Variants in NWD2 observed in about 807,000 individuals in gnomAD.
The protein encoded by NWD2 is NACHT and WD repeat domain containing 2, also known as NACHT and WD repeat domain-containing protein 2.
A neutral mutation model predicts 132.7 loss-of-function variants in NWD2; 37 were observed. The ratio of observed to expected loss-of-function variants is 0.28; its 90% CI spans 0.21 to 0.37. NWD2 has a LOEUF of 0.37. NWD2 is among the 10% of genes least tolerant of loss of function. NWD2 has a pLI of 1.00. For synonymous variants in NWD2, 705 were observed against 803.0 expected (o/e 0.88, Z 2.06); for missense variants, 1,592 against 2,122.4 (o/e 0.75, Z 4.91).
At chr4:37,317,283 A>G (rs940416779) in intron 1 of NWD2, among the ~76,000 whole-genome samples, 2 of 152,128 alleles carry the variant, frequency 1.3e-5, no homozygotes, top group Non-Finnish European at 2.9e-5. Context: ...AATCTTTCTT[A>G]AGTTTGTGTG....
At chr4:37,420,048 T>C (rs1711758510) in intron 3 of NWD2, among the ~76,000 whole-genome samples, 1 of 152,210 alleles carries the variant, frequency 6.6e-6, no homozygotes, top group Non-Finnish European at 1.5e-5. Context: ...CCTCTATCAG[T>C]TTGATAAGCA....
At chr4:37,245,278 G>A (rs895957603) in intron 1 of NWD2, 60 bp downstream of exon 1, 1 of 1,480,002 alleles carries the variant, frequency 6.8e-7, no homozygotes, top group African/African-American at 1.4e-5. Context: ...TGCGGGAGCT[G>A]GAGAGTGTGT....
chr4:37,374,724 T>G (rs568568798), intron 3 of NWD2, among the ~76,000 whole-genome samples: 1 of 152,246 alleles, frequency 6.6e-6, no homozygotes, highest in East Asian at 1.9e-4. Flanking sequence ...ACAAGCAAAT[T>G]AGGAATAAGG....
At chr4:37,420,454 G>C (rs770881054) in intron 3 of NWD2, among the ~76,000 whole-genome samples, 1 of 152,198 alleles carries the variant, frequency 6.6e-6, no homozygotes, top group Non-Finnish European at 1.5e-5. Context: ...GGGAGGCTCA[G>C]GTGGGTGGAT....
chr4:37,332,397 C>T (rs1041430351), intron 2 of NWD2, among the ~76,000 whole-genome samples: 5 of 151,706 alleles, frequency 3.3e-5, no homozygotes, highest in Non-Finnish European at 5.9e-5. Context: ...CATTCCAGGC[C>T]CTAGCTCCCA....
intron 4 of NWD2, among the ~76,000 whole-genome samples, chr4:37,431,204 T>C (rs1388605704): frequency 6.6e-6 from 1 of 152,200 alleles, no homozygotes; most frequent in East Asian, 1.9e-4. Flanking sequence ...ACTCCCAGGT[T>C]CATTGCAGAA....
chr4:37,314,817 A>C (rs1577665196), intron 1 of NWD2, among the ~76,000 whole-genome samples: 2 of 152,056 alleles, frequency 1.3e-5, no homozygotes, highest in East Asian at 3.9e-4. Flanking sequence ...TTTTGGGTTC[A>C]GTTTGTTTAA....
intron 6 of NWD2, among the ~76,000 whole-genome samples, chr4:37,442,243 C>A (rs1351941670): frequency 6.6e-6 from 1 of 152,172 alleles, no homozygotes; most frequent in African/African-American, 2.4e-5. Flanking sequence ...TTATCTCAGG[C>A]ATATCCTTGG....
At chr4:37,327,180 A>G (rs960734049) in intron 2 of NWD2, among the ~76,000 whole-genome samples, 5 of 152,182 alleles carry the variant, frequency 3.3e-5, no homozygotes, top group African/African-American at 9.7e-5. Flanking sequence ...GGACTCAGTT[A>G]CCATAGAGGA....
At position 37,369,769 on chromosome 4, in the gene NWD2, C is replaced by T. The variant is rs559538334; in HGVS notation, c.357+13287C>T. ...GTATTTTCTTCCCAACTTGCAAATG[C>T]GCACAGGAAATACTGAAAGTGGAGG... On this transcript the variant is annotated intron_variant, in intron 3 of 6. Transcript: ENST00000309447. Among the ~76,000 whole-genome samples the T allele has an allele frequency of 2.6e-5, 4 of 152,220 alleles. 1 individual carries two copies. The highest frequency in any genetic ancestry group is 1.9e-4 in the East Asian group (1 of 5,180).
intron 3 of NWD2, among the ~76,000 whole-genome samples, chr4:37,389,557 T>A (rs1192767318): frequency 6.6e-6 from 1 of 152,124 alleles, no homozygotes; most frequent in East Asian, 1.9e-4. Context: ...GAGCTTTTCA[T>A]GTTAGTCGTT....
At chr4:37,316,976 A>T (rs73807488) in intron 1 of NWD2, among the ~76,000 whole-genome samples, 3,776 of 152,246 alleles carry the variant, frequency 0.025, 154 homozygotes, top group African/African-American at 0.086. Context: ...TGTGCTGTTG[A>T]TGTCTCTTCA....
intron 2 of NWD2, among the ~76,000 whole-genome samples, chr4:37,344,006 A>G (rs937593907): frequency 6.6e-6 from 1 of 152,204 alleles, no homozygotes; most frequent in Non-Finnish European, 1.5e-5. Context: ...TAAGTAAAAA[A>G]GGTAATATCA....
At chr4:37,434,575 G>C (rs111730139) in intron 5 of NWD2, among the ~76,000 whole-genome samples, 1 of 152,106 alleles carries the variant, frequency 6.6e-6, no homozygotes, top group Non-Finnish European at 1.5e-5. Context: ...ACTGATAAAG[G>C]ATGTGGGGAT....
intron 1 of NWD2, among the ~76,000 whole-genome samples, chr4:37,249,651 G>A (rs1435264774): frequency 6.6e-6 from 1 of 152,178 alleles, no homozygotes; most frequent in Admixed American, 6.5e-5. Context: ...CTACACTAGT[G>A]CATTGCCCTC....
chr4:37,276,085 C>T (rs972427161), intron 1 of NWD2, among the ~76,000 whole-genome samples: 1 of 151,992 alleles, frequency 6.6e-6, no homozygotes, highest in African/African-American at 2.4e-5. Context: ...CAACAAAAGC[C>T]AACATTGACA....
At chr4:37,396,804 G>A (rs187616905) in intron 3 of NWD2, among the ~76,000 whole-genome samples, 46 of 152,256 alleles carry the variant, frequency 3.0e-4, no homozygotes, top group African/African-American at 1.0e-3. Context: ...AGGCCGAGGC[G>A]GGTGGATCAA....
chr4:37,307,039 G>T (rs935054006), intron 1 of NWD2, among the ~76,000 whole-genome samples: 2 of 148,332 alleles, frequency 1.3e-5, no homozygotes, highest in African/African-American at 5.1e-5. Context: ...AAAAAAAAAA[G>T]AATGTTCTAT....
chr4:37,247,798 C>T (rs35953833), intron 1 of NWD2, among the ~76,000 whole-genome samples: 8 of 151,794 alleles, frequency 5.3e-5, no homozygotes, highest in East Asian at 3.9e-4. Flanking sequence ...TTAGTAGCAA[C>T]GGGGTTTCGT....
Sources: allele counts gnomAD v4.1 joint callset (sites outside exome capture counted in the v4.1 genomes callset), GRCh38; gene constraint gnomAD v4.1.1; transcripts MANE v1.5; gene names NCBI Gene and HGNC (gene_info 2026-07-23, HGNC 2026-07-21).